AASDH: variants seen among roughly 807,000 people sequenced by gnomAD.
AASDH encodes the protein aminoadipate-semialdehyde dehydrogenase.
Under a neutral mutation model 102.3 loss-of-function variants are expected in AASDH, and 81 were observed. The ratio of observed to expected loss-of-function variants is 0.79; its 90% CI spans 0.66 to 0.95. The LOEUF (loss-of-function observed/expected upper bound fraction) is 0.95, where lower values mean the gene tolerates loss of function less well. Among genes scored for constraint, AASDH ranks in the 40% least tolerant of loss-of-function variants. The probability of loss-of-function intolerance (pLI) is 0.00; values close to 1 mark genes in which losing one functional copy is unlikely to be tolerated. For synonymous variants in AASDH, 398 were observed against 454.0 expected (o/e 0.88, Z 1.57); for missense variants, 1,203 against 1,266.2 (o/e 0.95, Z 0.76).
rs370393369 is a variant in AASDH, at chr4:56,355,347, C to T, written c.938G>A (p.Arg313Gln). The change falls in exon 6 of 15, where the codon CGA (arginine) becomes CAA (glutamine). Residue 313 changes from arginine to glutamine, a missense_variant. Transcript: ENST00000205214. ...CGCTTCACCACCAAGGGCTAATACTCGAAGAGAAGTAGTGGCTGACAAAAC... is the reference window on the plus strand; with the variant it reads ...CGCTTCACCACCAAGGGCTAATACTTGAAGAGAAGTAGTGGCTGACAAAAC... ...STVLSATTSL[R>Q]VLALGGEAFP... 2.0e-5 allele frequency: 32 copies of T among 1,614,006 alleles called. No individual in the cohort carries two copies. Among genetic ancestry groups the T allele is most frequent in the East Asian group, 8.9e-5 (4 of 44,878 alleles).
intron 5 of AASDH, among the ~76,000 whole-genome samples, chr4:56,368,982 C>A (rs569843887): frequency 7.8e-4 from 119 of 152,072 alleles, no homozygotes; most frequent in African/African-American, 2.6e-3. Context: ...GTGCCTCACA[C>A]AAAGGAAAGG....
chr4:56,362,317 T>G (rs535987404), intron 5 of AASDH, among the ~76,000 whole-genome samples: 1 of 152,146 alleles, frequency 6.6e-6, no homozygotes, highest in Non-Finnish European at 1.5e-5. Context: ...CAGGCTGGAG[T>G]ACAGTGGTGT....
At chr4:56,343,781 GT>G (rs1747993458) in intron 12 of AASDH, 97 bp from the exon 13 acceptor site, 2 of 1,248,608 alleles carry the variant, frequency 1.6e-6, no homozygotes, top group Non-Finnish European at 2.2e-6. Context: ...GTTAATATAA[GT>G]TTTTATCTTT....
chr4:56,383,993 A>G (rs1753264351), intron 2 of AASDH, 77 bp downstream of exon 2: 1 of 1,254,284 alleles, frequency 8.0e-7, no homozygotes, highest in Non-Finnish European at 1.1e-6. Flanking sequence ...AAACAGAACA[A>G]TAACTTGCAA....
chr4:56,357,692 A>C (rs1009699378), intron 5 of AASDH, among the ~76,000 whole-genome samples: 1 of 150,884 alleles, frequency 6.6e-6, no homozygotes, highest in African/African-American at 2.4e-5. Context: ...ATATAAATGG[A>C]ATCATAAAAT....
intron 9 of AASDH, 74 bp from the exon 10 acceptor site, chr4:56,351,531 AG>A: frequency 1.3e-6 from 1 of 784,510 alleles, no homozygotes; most frequent in Non-Finnish European, 2.1e-6. Flanking sequence ...TATATTCATT[AG>A]CCATATACAT....
chr4:56,371,635 A>G lies in AASDH; in HGVS notation c.677T>C (p.Phe226Ser), dbSNP rs977293350. The G allele has an allele frequency of 5.0e-6, 8 of 1,604,270 alleles. No individual in the cohort carries two copies. The highest frequency in any genetic ancestry group is 6.8e-6 in the Non-Finnish European group (8 of 1,178,032). ...VPNIQHFRVLFDITQEDVLFL... is the reference protein window; with the variant it reads ...VPNIQHFRVLSDITQEDVLFL... Reference sequence around the variant, plus strand: ...CAAAACATCTTCTTGTGTGATGTCAAAAAGTACCCTAAGGCAAAACAGAAT... The same window carrying G: ...CAAAACATCTTCTTGTGTGATGTCAGAAAGTACCCTAAGGCAAAACAGAAT... The change falls in exon 5 of 15, where the codon TTT becomes TCT. Residue 226 changes from phenylalanine to serine, a missense_variant. Physicochemically the swap from Phe to Ser is radical, Grantham distance 155. Transcript: ENST00000205214.
chr4:56,365,825 C>A (rs540461931), intron 5 of AASDH, among the ~76,000 whole-genome samples: 1 of 152,092 alleles, frequency 6.6e-6, no homozygotes, highest in Non-Finnish European at 1.5e-5. Context: ...GAAGCAAGAG[C>A]AAACACATTC....
intron 5 of AASDH, chr4:56,356,472 C>T: frequency 6.5e-7 from 1 of 1,532,964 alleles, no homozygotes; most frequent in Non-Finnish European, 8.9e-7. Flanking sequence ...GAAGCAGAGG[C>T]TGTTGACCTG....
intron 5 of AASDH, among the ~76,000 whole-genome samples, chr4:56,358,780 TA>T (rs1249288067): frequency 6.6e-6 from 1 of 152,132 alleles, no homozygotes; most frequent in African/African-American, 2.4e-5. Flanking sequence ...CCAATGTGCT[TA>T]AAAAGAATTC....
chr4:56,353,642 C>A, intron 8 of AASDH, 46 bp from the exon 9 acceptor site: 1 of 1,491,636 alleles, frequency 6.7e-7, no homozygotes, highest in African/African-American at 1.4e-5. Flanking sequence ...TATTTACAAA[C>A]AAGCTTCCTA....
chr4:56,384,768 T>C (rs1030708565), intron 1 of AASDH, among the ~76,000 whole-genome samples: 2 of 152,214 alleles, frequency 1.3e-5, no homozygotes, highest in Admixed American at 6.5e-5. Flanking sequence ...AAATCTTGTA[T>C]GGTGACTTTA....
chr4:56,338,621 A>C lies in AASDH; in HGVS notation c.3078T>G (p.Ala1026=), dbSNP rs755614343. ...TTSRVYATPF[A]FHNYNGSNEM... ...CATTGCTGCCATTGTAGTTATGGAA[A>C]GCAAACGGTGTTGCATAGACCCTTG... The change falls in exon 15 of 15, where the codon GCT becomes GCG. Residue 1026 remains alanine, a synonymous_variant. Transcript: ENST00000205214. 1.2e-6 allele frequency: 2 copies of C among 1,614,190 alleles called. No individual in the cohort carries two copies. Among genetic ancestry groups the C allele is most frequent in the Non-Finnish European group, 1.7e-6 (2 of 1,180,032 alleles).
chr4:56,359,007 C>T (rs77229908), intron 5 of AASDH, among the ~76,000 whole-genome samples: 2,427 of 152,172 alleles, frequency 0.016, 75 homozygotes, highest in African/African-American at 0.055. Flanking sequence ...ACATGTATAA[C>T]TGTTACATCT....
chr4:56,385,415 T>C (rs923116517), intron 1 of AASDH, among the ~76,000 whole-genome samples: 11 of 152,334 alleles, frequency 7.2e-5, no homozygotes, highest in African/African-American at 2.6e-4. Flanking sequence ...CAATGTTCTC[T>C]GGGTTTCTTA....
In AASDH at chr4:56,355,267, T is replaced by A; in HGVS notation, c.1018A>T (p.Ile340Leu). Residue 340 changes from isoleucine (I) to leucine (L), a missense_variant, in exon 6 of 15, where the codon ATA becomes TTA. Transcript: ENST00000205214. The stretch of plus-strand genomic sequence containing the variant: ...TCTGTGATACCATAAACATTAAATA[T>A]TTGTGTTTTATTGCCTTCTCCTCTC... ...SWRGEGNKTQ[I>L]FNVYGITEVS... 6.2e-7 allele frequency: 1 copy of A among 1,614,116 alleles called. No homozygotes were observed. The highest frequency in any genetic ancestry group is 1.1e-5 in the South Asian group (1 of 91,084).
Position 56,338,720 on chromosome 4 carries a change from A to G in AASDH, c.2979T>C (p.Phe993=), listed in dbSNP as rs1560556488. ...AGATAAAGCAATCATGGGAACCAAAAAATATTTTTTGCTCTGATGGTGAGG... is the reference window on the plus strand; with the variant it reads ...AGATAAAGCAATCATGGGAACCAAAGAATATTTTTTGCTCTGATGGTGAGG... ...PCTSPSEQKI[F]FGSHDCFIYC... Residue 993 remains phenylalanine (F), a synonymous_variant, in exon 15 of 15, where the codon TTT becomes TTC. Coordinates refer to ENST00000205214, the MANE Select transcript of AASDH (RefSeq NM_181806.4). 1 of 1,614,186 alleles carries G rather than the reference A, an allele frequency of 6.2e-7. No homozygotes were observed. The highest frequency in any genetic ancestry group is 8.5e-7 in the Non-Finnish European group (1 of 1,180,032).
At chr4:56,352,529 G>A (rs995332239) in intron 9 of AASDH, among the ~76,000 whole-genome samples, 1 of 152,066 alleles carries the variant, frequency 6.6e-6, no homozygotes, top group African/African-American at 2.4e-5. Context: ...AAGTAGCTGG[G>A]ACTACAGGCG....
chr4:56,360,255 A>G (rs2109922109), intron 5 of AASDH, among the ~76,000 whole-genome samples: 1 of 152,288 alleles, frequency 6.6e-6, no homozygotes, highest in East Asian at 1.9e-4. Flanking sequence ...TCTGATTCAC[A>G]TGAGTGCAAC....
Sources: gnomAD v4.1 joint callset for allele counts (sites outside exome capture counted in the v4.1 genomes callset) on GRCh38, gnomAD v4.1.1 for gene constraint, MANE v1.5 for transcripts, NCBI Gene and HGNC (gene_info 2026-07-23, HGNC 2026-07-21) for gene names.